CLIP1: variants seen among roughly 807,000 people sequenced by gnomAD.
CLIP1 encodes the protein CAP-Gly domain containing linker protein 1.
CLIP1 carries 66 observed loss-of-function variants against 161.6 expected under a neutral mutation model. That is an observed-to-expected ratio of 0.41 (90% confidence interval 0.33 to 0.50). The LOEUF (loss-of-function observed/expected upper bound fraction) is 0.50, where lower values mean the gene tolerates loss of function less well. CLIP1 is among the 20% of genes least tolerant of loss of function. CLIP1 has a pLI of 0.27. For missense variants in CLIP1, 1,376 were observed against 1,702.0 expected (o/e 0.81, Z 3.37); for synonymous variants, 598 against 626.2 (o/e 0.96, Z 0.67).
chr12:122,336,966 T>G (rs1434353988), intron 11 of CLIP1, among the ~76,000 whole-genome samples: 1 of 151,358 alleles, frequency 6.6e-6, no homozygotes, highest in African/African-American at 2.4e-5. Flanking sequence ...TTTTGTGTTT[T>G]TTTTTTTTTC....
At chr12:122,375,632 T>C (rs1017526615) in intron 3 of CLIP1, among the ~76,000 whole-genome samples, 1 of 152,168 alleles carries the variant, frequency 6.6e-6, no homozygotes, top group Non-Finnish European at 1.5e-5. Flanking sequence ...CCAGAAATTC[T>C]TGAGTAACAT....
At chr12:122,333,791 G>C (rs1168610913) in intron 14 of CLIP1, among the ~76,000 whole-genome samples, 1 of 152,208 alleles carries the variant, frequency 6.6e-6, no homozygotes, top group Non-Finnish European at 1.5e-5. Flanking sequence ...CTTGGAGCAA[G>C]GATAGCAGTG....
intron 1 of CLIP1, among the ~76,000 whole-genome samples, chr12:122,403,099 T>C (rs550284578): frequency 6.6e-6 from 1 of 152,228 alleles, no homozygotes; most frequent in South Asian, 2.1e-4. Flanking sequence ...CCCCCCTGGA[T>C]ATGCAACATC....
intron 1 of CLIP1, among the ~76,000 whole-genome samples, chr12:122,394,205 AG>A (rs1389316578): frequency 6.6e-6 from 1 of 152,032 alleles, no homozygotes; most frequent in Non-Finnish European, 1.5e-5. Flanking sequence ...AAAGATGAAA[AG>A]GGGCCGGGCG....
At position 122,341,762 on chromosome 12, in the gene CLIP1, CTTTTTTTTTTTTTTTTTTTTTT is replaced by C. The variant is rs57202144; in HGVS notation, c.1507-87_1507-66del. On this transcript the variant is annotated intron_variant, in intron 10 of 25. Transcript: ENST00000620786. ...AACAAGTCATTGACTATTTTCTTTT[CTTTTTTTTTTTTTTTTTTTTTT>C]TTTTTTTTTTTTTTTTGAGATGGAG... 695 of 98,566 alleles carry C rather than the reference CTTTTTTTTTTTTTTTTTTTTTT, an allele frequency of 7.1e-3. 8 individuals carry two copies. Among genetic ancestry groups the C allele is most frequent in the African/African-American group, 0.017 (347 of 20,492 alleles). 6.1% of individuals were successfully genotyped at this position (98,566 alleles called of 1,614,324 possible). A position where few individuals can be genotyped will look rare whatever the true frequency, so the allele number is the denominator to read the frequency against.
chr12:122,418,770 AT>A (rs1233139492), intron 1 of CLIP1, among the ~76,000 whole-genome samples: 2 of 145,714 alleles, frequency 1.4e-5, no homozygotes, highest in African/African-American at 2.8e-5. Flanking sequence ...GTCTAAAAAA[AT>A]AAAATAAAAT....
At chr12:122,383,543 T>G (rs1293525504) in intron 1 of CLIP1, among the ~76,000 whole-genome samples, 1 of 152,210 alleles carries the variant, frequency 6.6e-6, no homozygotes, top group Non-Finnish European at 1.5e-5. Context: ...CTGTGTTCCT[T>G]GAATCCTAAC....
chr12:122,301,026 TTAAC>T (rs1394291452), intron 20 of CLIP1, among the ~76,000 whole-genome samples: 13 of 152,190 alleles, frequency 8.5e-5, no homozygotes, highest in Non-Finnish European at 1.8e-4. Flanking sequence ...TTTATGCAGC[TTAAC>T]TAACTGGCCC....
chr12:122,368,601 G>C (rs1285128705), intron 3 of CLIP1, among the ~76,000 whole-genome samples: 4 of 152,152 alleles, frequency 2.6e-5, no homozygotes, highest in African/African-American at 7.2e-5. Flanking sequence ...AGTCTTGTAA[G>C]GTGGCTTCTT....
intron 19 of CLIP1, among the ~76,000 whole-genome samples, chr12:122,313,842 T>C (rs1951159972): frequency 6.6e-6 from 1 of 152,066 alleles, no homozygotes; most frequent in Non-Finnish European, 1.5e-5. Flanking sequence ...CTCACTGGAA[T>C]ACTAGTAATG....
rs1452874948 is a variant in CLIP1 at position 122,341,190 on chromosome 12, GT to G, written c.2013del (p.Gln671HisfsTer4). 6.2e-7 allele frequency: 1 copy of G among 1,614,016 alleles called. No individual in the cohort carries two copies. Among genetic ancestry groups the G allele is most frequent in the South Asian group, 1.1e-5 (1 of 91,086 alleles). On this transcript the variant is annotated frameshift_variant, in exon 11 of 26. Transcript: ENST00000620786. LOFTEE classifies it high-confidence loss of function. ...TGATTCTGCAAATTTTCTATTTCGT[GT>G]TGGTAATCTAGTCTCATTTTCTCTA... ...TQIEKMRLDYQHEIENLQNQQ... is the reference protein window; with the variant it reads ...TQIEKMRLDYXHEIENLQNQQ...
intron 15 of CLIP1, among the ~76,000 whole-genome samples, chr12:122,332,248 T>C (rs1284644447): frequency 6.9e-6 from 1 of 144,456 alleles, no homozygotes; most frequent in African/African-American, 2.6e-5. Flanking sequence ...TGAGCTGAGA[T>C]CGCACCATTG....
chr12:122,415,443 C>T (rs1158227867), intron 1 of CLIP1, among the ~76,000 whole-genome samples: 3 of 142,488 alleles, frequency 2.1e-5, no homozygotes, highest in Non-Finnish European at 4.5e-5. Flanking sequence ...GATGGCGCCA[C>T]TGCACTCCAG....
intron 3 of CLIP1, among the ~76,000 whole-genome samples, chr12:122,369,574 G>A (rs1323803711): frequency 6.6e-6 from 1 of 151,858 alleles, no homozygotes; most frequent in African/African-American, 2.4e-5. Flanking sequence ...CAGTGAATGA[G>A]ACAGAAAGTT....
intron 1 of CLIP1, among the ~76,000 whole-genome samples, chr12:122,385,903 G>A (rs1207396569): frequency 1.3e-5 from 2 of 152,270 alleles, no homozygotes; most frequent in Middle Eastern, 3.4e-3. Context: ...AGAGAATGCA[G>A]AGAAGAGGCT....
In CLIP1 at chr12:122,355,134, G is replaced by A. The variant is rs748744065; in HGVS notation, c.1184C>T (p.Ala395Val). The A allele has an allele frequency of 5.0e-6, 8 of 1,614,122 alleles. No individual in the cohort carries two copies. Among genetic ancestry groups the A allele is most frequent in the Non-Finnish European group, 6.8e-6 (8 of 1,179,974 alleles). ...VGEIEQELAL[A>V]RDGHDQHVLE... is the part of the protein sequence containing the mutation. ...CTTCACCTGGTCATGTCCGTCCCGG[G>A]CCAGAGCTAGCTCCTGCTCTATCTC... Residue 395 changes from alanine to valine, a missense_variant, in exon 6 of 26, where the codon GCC (alanine) becomes GTC (valine). Physicochemically the swap from Ala to Val is moderately conservative, Grantham distance 64. Around this residue, in one of 6 missense-constraint regions of CLIP1, gnomAD observed 211 missense variants for 295.1 expected, o/e 0.72. Transcript: ENST00000620786. The surrounding 1 kb of genome is among the most constrained non-coding windows in gnomAD (Gnocchi z 4.1).
At chr12:122,306,444 C>T (rs185758019) in intron 20 of CLIP1, among the ~76,000 whole-genome samples, 1 of 152,204 alleles carries the variant, frequency 6.6e-6, no homozygotes, top group Admixed American at 6.5e-5. Context: ...AAGATACTCA[C>T]CAAACACCCA....
intron 4 of CLIP1, among the ~76,000 whole-genome samples, 178 bp downstream of exon 4, chr12:122,363,805 C>A (rs57069824): frequency 0.045 from 6,770 of 152,056 alleles, 511 homozygotes; most frequent in African/African-American, 0.15. Flanking sequence ...AGGAGACAGT[C>A]AAAAAGAACA....
chr12:122,372,736 A>G (rs1023181783), intron 3 of CLIP1, among the ~76,000 whole-genome samples: 1 of 152,200 alleles, frequency 6.6e-6, no homozygotes, highest in South Asian at 2.1e-4. Flanking sequence ...ACTAAATGTG[A>G]CTATCTGGCA....
Sources: gnomAD v4.1 joint callset for allele counts (sites outside exome capture counted in the v4.1 genomes callset) on GRCh38, gnomAD v4.1.1 for gene constraint, gnomAD v4.1.1 regional missense constraint, Gnocchi (gnomAD v3.1) non-coding constraint, MANE v1.5 for transcripts, NCBI Gene and HGNC (gene_info 2026-07-23, HGNC 2026-07-21) for gene names.